The following SLC24A4 variants were observed in gnomAD, a reference collection of about 807,000 sequenced individuals.
The protein encoded by SLC24A4 is sodium/potassium/calcium exchanger 4.
SLC24A4 carries 53 observed loss-of-function variants against 79.0 expected under a neutral mutation model. That is an observed-to-expected ratio of 0.67 (90% CI 0.54 to 0.84). The LOEUF (loss-of-function observed/expected upper bound fraction) is 0.84, where lower values mean the gene tolerates loss of function less well. Ranked by LOEUF, SLC24A4 falls within the 40% of genes least tolerant of loss-of-function variation. The probability of loss-of-function intolerance (pLI) is 0.00; values close to 1 mark genes in which losing one functional copy is unlikely to be tolerated. For synonymous variants in SLC24A4, 323 were observed against 323.8 expected, an observed-to-expected ratio of 1.00 and a Z score of 0.03; for missense variants, 731 against 822.0, an observed-to-expected ratio of 0.89 and a Z score of 1.35.
chr14:92,456,723 A>C lies in SLC24A4; in HGVS notation c.1255+115A>C, dbSNP rs1893494417. The C allele has an allele frequency of 2.8e-6, 3 of 1,064,964 alleles. No homozygotes were observed. In the Admixed American group the frequency reaches 6.5e-5, roughly 23 times the overall value. The allele number at this position is 1,064,964 out of a possible 1,614,324, so 66.0% of individuals were successfully genotyped here. A position where few individuals can be genotyped will look rare whatever the true frequency, so the allele number is the denominator to read the frequency against. Reference sequence around the variant, plus strand: ...TGTAAGGGCGGCAGAGGGCTGGTGCAAAGGGTCGATATTAGGTCACTGGAA... The same window carrying C: ...TGTAAGGGCGGCAGAGGGCTGGTGCCAAGGGTCGATATTAGGTCACTGGAA... On this transcript the variant is annotated intron_variant, in intron 12 of 16. Coordinates refer to ENST00000532405, the MANE Select transcript of SLC24A4 (RefSeq NM_153646.4).
chr14:92,322,969 GA>G (rs1162636900), upstream of SLC24A4, among the ~76,000 whole-genome samples: 1 of 152,182 alleles, frequency 6.6e-6, no homozygotes. Flanking sequence ...GCTCCATATG[GA>G]AGAAAGGAGA....
chr14:92,420,103 G>A (rs923437511), intron 2 of SLC24A4, among the ~76,000 whole-genome samples: 4 of 152,312 alleles, frequency 2.6e-5, no homozygotes, highest in African/African-American at 9.6e-5. Context: ...AGGAAGATGT[G>A]GAGCTGATTG....
chr14:92,335,724 G>C (rs1885750774), intron 2 of SLC24A4, among the ~76,000 whole-genome samples: 1 of 152,162 alleles, frequency 6.6e-6, no homozygotes, highest in South Asian at 2.1e-4. Context: ...GTATCGTACA[G>C]AATAGTTTCA....
chr14:92,381,454 G>C (rs1049209602), intron 2 of SLC24A4, among the ~76,000 whole-genome samples: 33 of 152,214 alleles, frequency 2.2e-4, no homozygotes, highest in African/African-American at 7.5e-4. Context: ...AGGGGAGGGA[G>C]AGCATTAGGA....
At chr14:92,458,712 C>A (rs1365206602) in intron 12 of SLC24A4, among the ~76,000 whole-genome samples, 1 of 152,226 alleles carries the variant, frequency 6.6e-6, no homozygotes, top group Admixed American at 6.5e-5. Context: ...GGCCGTGATT[C>A]GAGCCCTGGC....
chr14:92,368,895 C>T (rs2141682271), intron 2 of SLC24A4, among the ~76,000 whole-genome samples: 1 of 152,310 alleles, frequency 6.6e-6, no homozygotes. Context: ...GGCAAGTGCA[C>T]CCATTCCAGC....
At chr14:92,405,398 G>C (rs1890319622) in intron 2 of SLC24A4, among the ~76,000 whole-genome samples, 1 of 152,314 alleles carries the variant, frequency 6.6e-6, no homozygotes, top group Non-Finnish European at 1.5e-5. Flanking sequence ...AGCAAGGCAG[G>C]GGTTACCTGG....
At chr14:92,333,282 G>A (rs1214402218) in intron 2 of SLC24A4, among the ~76,000 whole-genome samples, 1 of 139,740 alleles carries the variant, frequency 7.2e-6, no homozygotes, top group Non-Finnish European at 1.5e-5. Flanking sequence ...TTAGTAGAGA[G>A]GGGGGTTTTG....
intron 2 of SLC24A4, among the ~76,000 whole-genome samples, chr14:92,389,883 C>A (rs1033858771): frequency 1.3e-5 from 2 of 152,212 alleles, no homozygotes; most frequent in Non-Finnish European, 2.9e-5. Context: ...CACCCCTGGG[C>A]GCCTGCGTTC....
intron 2 of SLC24A4, among the ~76,000 whole-genome samples, chr14:92,343,642 C>CTCCT (rs1886325535): frequency 4.3e-5 from 2 of 46,388 alleles, no homozygotes; most frequent in Non-Finnish European, 9.2e-5. Flanking sequence ...CTTTCTTTCT[C>CTCCT]TCTTTCCTTC....
At chr14:92,388,548 T>G (rs962894958) in intron 2 of SLC24A4, among the ~76,000 whole-genome samples, 4 of 152,210 alleles carry the variant, frequency 2.6e-5, no homozygotes, top group Non-Finnish European at 5.9e-5. Flanking sequence ...CACGGCCTGG[T>G]TCGCCTCTCC....
At chr14:92,328,329 A>G (rs1885268183) in intron 2 of SLC24A4, among the ~76,000 whole-genome samples, 1 of 152,204 alleles carries the variant, frequency 6.6e-6, no homozygotes. Context: ...AGTAGCTTAT[A>G]CTAGAGTAGA....
chr14:92,484,853 A>T (rs529229377), intron 13 of SLC24A4: 2 of 985,444 alleles, frequency 2.0e-6, no homozygotes, highest in South Asian at 9.4e-5. Context: ...ATTACCTGGT[A>T]ACAGTCAGAT....
At chr14:92,349,521 TG>T (rs1886749053) in intron 2 of SLC24A4, among the ~76,000 whole-genome samples, 1 of 152,204 alleles carries the variant, frequency 6.6e-6, no homozygotes, top group African/African-American at 2.4e-5. Flanking sequence ...TTGAGATGAT[TG>T]TAGATTGGCA....
Position 92,323,800 on chromosome 14 carries a change from T to TCCG in SLC24A4, c.-30_-29insCGC. ...CTCTGGCCGCTGAAGCTCCCCATCC[T>TCCG]CTCCCAGAGACGGCACCCAGGCGCT... On this transcript the variant is annotated 5_prime_UTR_variant, in exon 1 of 17. Transcript: ENST00000532405. The surrounding 1 kb of genome is among the most constrained non-coding windows in gnomAD (Gnocchi z 4.9). 20 of 1,542,106 alleles carry TCCG rather than the reference T, an allele frequency of 1.3e-5. No homozygotes were observed. The highest frequency in any genetic ancestry group is 1.7e-5 in the Non-Finnish European group (20 of 1,150,418).
intron 4 of SLC24A4, among the ~76,000 whole-genome samples, chr14:92,440,853 G>GAGGGAAGGGAAGGGA (rs542463010): frequency 6.6e-6 from 1 of 151,262 alleles, no homozygotes; most frequent in Non-Finnish European, 1.5e-5. Flanking sequence ...AGCAAGCAGA[G>GAGGGAAGGGAAGGGA]AGGGAAGGGA....
intron 2 of SLC24A4, among the ~76,000 whole-genome samples, chr14:92,403,050 C>T (rs963754173): frequency 2.0e-5 from 3 of 152,152 alleles, no homozygotes; most frequent in Non-Finnish European, 4.4e-5. Context: ...TGTCTTGGGG[C>T]TCTGCCATCT....
At chr14:92,473,888 G>A (rs1894570327) in intron 12 of SLC24A4, among the ~76,000 whole-genome samples, 1 of 152,200 alleles carries the variant, frequency 6.6e-6, no homozygotes, top group African/African-American at 2.4e-5. Flanking sequence ...GAGCACAAAT[G>A]TGCCTGGGAG....
chr14:92,383,653 G>A (rs981641448), intron 2 of SLC24A4, among the ~76,000 whole-genome samples: 2 of 152,212 alleles, frequency 1.3e-5, no homozygotes, highest in African/African-American at 2.4e-5. Context: ...AGGGCAGAGA[G>A]AGACTGTATC....
Sources: allele counts gnomAD v4.1 joint callset (sites outside exome capture counted in the v4.1 genomes callset), GRCh38; gene constraint gnomAD v4.1.1; non-coding constraint Gnocchi (gnomAD v3.1); transcripts MANE v1.5; gene names NCBI Gene and HGNC (gene_info 2026-07-23, HGNC 2026-07-21).